The following BIRC6 variants were observed in gnomAD, a reference collection of about 807,000 sequenced individuals.
BIRC6 encodes baculoviral IAP repeat containing 6.
Under a neutral mutation model 503.3 loss-of-function variants are expected in BIRC6, and 98 were observed. The observed-to-expected ratio is 0.19, with a 90% CI of 0.17 to 0.23. The LOEUF (loss-of-function observed/expected upper bound fraction) is 0.23. Among genes scored for constraint, BIRC6 ranks in the 10% least tolerant of loss-of-function variants. The probability of loss-of-function intolerance (pLI) is 1.00; values close to 1 mark genes in which losing one functional copy is unlikely to be tolerated. For synonymous variants in BIRC6, 2,240 were observed against 2,078.7 expected (o/e 1.08, Z -2.11); for missense variants, 5,360 against 5,806.0 (o/e 0.92, Z 2.50).
At chr2:32,506,094 C>T (rs2149530821) in intron 50 of BIRC6, among the ~76,000 whole-genome samples, 1 of 152,248 alleles carries the variant, frequency 6.6e-6, no homozygotes, top group East Asian at 1.9e-4. Context: ...TGGGATCTAC[C>T]TGCCTTGGCC....
chr2:32,447,517 C>T (rs1327101910), intron 21 of BIRC6, among the ~76,000 whole-genome samples: 3 of 129,930 alleles, frequency 2.3e-5, no homozygotes, highest in African/African-American at 6.2e-5. Context: ...GGCGGCTGGC[C>T]GGGCAGAGGG....
At chr2:32,572,035 A>G (rs568418907) in intron 65 of BIRC6, among the ~76,000 whole-genome samples, 31 of 152,128 alleles carry the variant, frequency 2.0e-4, no homozygotes, top group East Asian at 3.8e-4. Flanking sequence ...ACTGCTTCCA[A>G]TGTTCCTGTT....
In BIRC6 at chr2:32,377,578, C is replaced by T. The variant is rs1558563792; in HGVS notation, c.326-10C>T. Reference sequence around the variant, plus strand: ...AAATCTTAAGTGTTGAATTTTTGTTCTTTTAACAGCTAAACCAGGTGGACA... The same window carrying T: ...AAATCTTAAGTGTTGAATTTTTGTTTTTTTAACAGCTAAACCAGGTGGACA... On this transcript the variant is annotated splice_polypyrimidine_tract_variant and intron_variant, in intron 1 of 73. Transcript: ENST00000421745. The T allele has an allele frequency of 2.5e-6, 4 of 1,584,948 alleles. No homozygotes were observed. Among genetic ancestry groups the T allele is most frequent in the Non-Finnish European group, 3.4e-6 (4 of 1,167,248 alleles).
intron 65 of BIRC6, chr2:32,557,475 G>A (rs1259689912): frequency 6.6e-6 from 1 of 152,054 alleles, no homozygotes; most frequent in Non-Finnish European, 1.5e-5. Flanking sequence ...CATATTCATT[G>A]CTTTGTCCTG....
intron 66 of BIRC6, among the ~76,000 whole-genome samples, chr2:32,584,689 T>C (rs962257454): frequency 2.2e-4 from 33 of 152,348 alleles, no homozygotes; most frequent in Middle Eastern, 3.4e-3. Context: ...TATTGGTTCT[T>C]TTTAATTTAT....
chr2:32,457,212 A>T (rs2047354705), intron 23 of BIRC6, among the ~76,000 whole-genome samples: 2 of 152,252 alleles, frequency 1.3e-5, no homozygotes, highest in South Asian at 4.1e-4. Context: ...CTTATGTTTT[A>T]GATATACTTT....
chr2:32,501,628 C>T, intron 46 of BIRC6, 85 bp from the exon 47 acceptor site: 2 of 1,200,308 alleles, frequency 1.7e-6, no homozygotes, highest in Non-Finnish European at 2.3e-6. Flanking sequence ...GCCTCGGCCT[C>T]CCAAAGTGTT....
chr2:32,496,624 A>C (rs1328908945), intron 45 of BIRC6, among the ~76,000 whole-genome samples: 2 of 152,170 alleles, frequency 1.3e-5, no homozygotes, highest in African/African-American at 4.8e-5. Flanking sequence ...TTTGAAATTT[A>C]GTAGTGTAGG....
intron 12 of BIRC6, 129 bp downstream of exon 12, chr2:32,431,219 A>T (rs1374550381): frequency 2.7e-5 from 10 of 367,454 alleles, no homozygotes; most frequent in South Asian, 1.5e-4. Context: ...TTTTTGAGAC[A>T]GAGTCTCACT....
rs2053630193 is a variant in BIRC6, at chr2:32,504,893, T to C, written c.9500-112T>C. 19 of 952,076 alleles carry C rather than the reference T, an allele frequency of 2.0e-5. No homozygotes were observed. In the South Asian group the frequency reaches 3.2e-4, roughly 16 times the overall value. 59.0% of individuals were successfully genotyped at this position (952,076 alleles called of 1,614,324 possible). Reference sequence around the variant, plus strand: ...ATACTAAGTGCATTACCAGCATCAATTGTTCATGTTTTCAATTAATTTTTC... The same window carrying C: ...ATACTAAGTGCATTACCAGCATCAACTGTTCATGTTTTCAATTAATTTTTC... On this transcript the variant is annotated intron_variant, in intron 49 of 73. Coordinates refer to ENST00000421745, the MANE Select transcript of BIRC6 (RefSeq NM_016252.4).
chr2:32,510,073 A>C (rs1012531052), intron 52 of BIRC6, 79 bp downstream of exon 52: 4 of 1,476,090 alleles, frequency 2.7e-6, no homozygotes, highest in Non-Finnish European at 3.7e-6. Context: ...TTCGTGCTTA[A>C]CTCTGTTTTG....
Position 32,431,215 on chromosome 2 carries a change from A to G in BIRC6, c.3248+125A>G, listed in dbSNP as rs538209971. The G allele has an allele frequency of 3.8e-3, 1,074 of 283,496 alleles. 35 individuals carry two copies. The African/African-American group carries it at 0.078, about 21-fold the overall frequency. 17.6% of individuals were successfully genotyped at this position (283,496 alleles called of 1,614,324 possible). ...TTTTTTTTTTTTTTTTTTTTTTTTGAGACAGAGTCTCACTCTGTCACCCAG... is the reference window on the plus strand; with the variant it reads ...TTTTTTTTTTTTTTTTTTTTTTTTGGGACAGAGTCTCACTCTGTCACCCAG... On this transcript the variant is annotated intron_variant, in intron 12 of 73. Transcript: ENST00000421745.
chr2:32,397,366 G>A (rs1027142680), intron 6 of BIRC6, among the ~76,000 whole-genome samples: 7 of 151,952 alleles, frequency 4.6e-5, no homozygotes, highest in Non-Finnish European at 8.8e-5. Context: ...CAGCTACTCG[G>A]GAGGGTGAGG....
At chr2:32,422,169 G>C (rs2043019904) in intron 10 of BIRC6, among the ~76,000 whole-genome samples, 7 of 152,120 alleles carry the variant, frequency 4.6e-5, no homozygotes, top group Admixed American at 3.9e-4. Context: ...CAACTAACTT[G>C]TGATTTTGAA....
chr2:32,424,387 AC>A (rs2043250936), intron 10 of BIRC6, among the ~76,000 whole-genome samples: 1 of 152,114 alleles, frequency 6.6e-6, no homozygotes, highest in Admixed American at 6.5e-5. Flanking sequence ...GGTTGTTTCC[AC>A]ATTTTGGCTA....
rs550979139 is a variant in BIRC6 at position 32,584,351 on chromosome 2, G to A, written c.13355+8985G>A. Among the ~76,000 whole-genome samples, 154 of 152,254 alleles carry A rather than the reference G, an allele frequency of 1.0e-3. 1 individual carries two copies. In the Middle Eastern group the frequency reaches 0.014, roughly 13 times the overall value. Reference sequence around the variant, plus strand: ...TCAAGACCAGCCTGGCCAACATGGTGAAACCCCATCTCTACTGAAAATACA... The same window carrying A: ...TCAAGACCAGCCTGGCCAACATGGTAAAACCCCATCTCTACTGAAAATACA... On this transcript the variant is annotated intron_variant, in intron 66 of 73. Transcript: ENST00000421745.
At chr2:32,500,599 T>TG (rs1196577028) in intron 46 of BIRC6, among the ~76,000 whole-genome samples, 14 of 117,618 alleles carry the variant, frequency 1.2e-4, no homozygotes, top group African/African-American at 3.6e-4. Flanking sequence ...TTTTTGTTTT[T>TG]GTTTTTGTTT....
At chr2:32,503,546 C>T (rs1165672164) in intron 49 of BIRC6, among the ~76,000 whole-genome samples, 1 of 151,972 alleles carries the variant, frequency 6.6e-6, no homozygotes, top group Admixed American at 6.6e-5. Flanking sequence ...CTCAGCCTCC[C>T]GAGTAGCTGG....
At chr2:32,407,491 T>C (rs2041369252) in intron 9 of BIRC6, among the ~76,000 whole-genome samples, 1 of 146,248 alleles carries the variant, frequency 6.8e-6, no homozygotes, top group Non-Finnish European at 1.5e-5. Context: ...TAAGTTCATA[T>C]AAAGTGTAGT....
Sources: gnomAD v4.1 joint callset for allele counts (sites outside exome capture counted in the v4.1 genomes callset) on GRCh38, gnomAD v4.1.1 for gene constraint, MANE v1.5 for transcripts, NCBI Gene and HGNC (gene_info 2026-07-23, HGNC 2026-07-21) for gene names.